The following RNF145 variants were observed in gnomAD, a reference collection of about 807,000 sequenced individuals.
The protein encoded by RNF145 is ring finger protein 145.
RNF145 carries 12 observed loss-of-function variants against 57.3 expected under a neutral mutation model. The ratio of observed to expected loss-of-function variants is 0.21; its 90% CI spans 0.13 to 0.34. RNF145 has a LOEUF of 0.34. Ranked by LOEUF, RNF145 falls within the 10% of genes least tolerant of loss-of-function variation. The pLI is 1.00. For missense variants in RNF145, 429 were observed against 799.0 expected (o/e 0.54, Z 5.58); for synonymous variants, 262 against 288.3 (o/e 0.91, Z 0.92).
intron 2 of RNF145, among the ~76,000 whole-genome samples, chr5:159,199,445 T>C (rs1218135970): frequency 6.6e-6 from 1 of 150,978 alleles, no homozygotes; most frequent in Non-Finnish European, 1.5e-5. Context: ...TCCATAAACA[T>C]AGAAAAGTCT....
At chr5:159,201,402 C>T (rs570048743) in intron 2 of RNF145, among the ~76,000 whole-genome samples, 4 of 152,266 alleles carry the variant, frequency 2.6e-5, no homozygotes, top group South Asian at 2.1e-4. Context: ...TTTAGCACAA[C>T]GCTGTACAAA....
intron 1 of RNF145, among the ~76,000 whole-genome samples, chr5:159,205,808 A>G (rs981993034): frequency 3.3e-5 from 5 of 152,316 alleles, no homozygotes; most frequent in Admixed American, 2.0e-4. Context: ...CTTGTAGCCC[A>G]TATTTATTTC....
At chr5:159,194,851 A>T (rs1319480523) in intron 2 of RNF145, 27 bp from the exon 3 acceptor site, 1 of 1,423,870 alleles carries the variant, frequency 7.0e-7, no homozygotes, top group Non-Finnish European at 9.7e-7. Flanking sequence ...AATAAAATAC[A>T]ATTTTAATTT....
At position 159,176,769 on chromosome 5, in the gene RNF145, G is replaced by C. The variant is rs1450655197; in HGVS notation, c.484C>G (p.Leu162Val). The change falls in exon 5 of 11, where the codon CTT (leucine) becomes GTT (valine). Residue 162 changes from leucine to valine, a missense_variant. Physicochemically the swap from Leu to Val is conservative, Grantham distance 32. Transcript: ENST00000424310. ...ATAACAATTGTCTCCAAAGGAACAAGGCAGAGTCGTGCTAGCAGAGGAAGC... is the reference window on the plus strand; with the variant it reads ...ATAACAATTGTCTCCAAAGGAACAACGCAGAGTCGTGCTAGCAGAGGAAGC... ...HMLPLLARLCLVPLETIVIIN... is the reference protein window; with the variant it reads ...HMLPLLARLCVVPLETIVIIN... 2 of 1,612,396 alleles carry C rather than the reference G, an allele frequency of 1.2e-6. No individual in the cohort carries two copies. The highest frequency in any genetic ancestry group is 1.3e-5 in the African/African-American group (1 of 74,828).
intron 4 of RNF145, among the ~76,000 whole-genome samples, chr5:159,177,954 C>T (rs1784769783): frequency 6.6e-6 from 1 of 151,994 alleles, no homozygotes; most frequent in Admixed American, 6.6e-5. Context: ...TGCTAGAATA[C>T]GTATCCTACT....
intron 3 of RNF145, among the ~76,000 whole-genome samples, chr5:159,188,393 C>G (rs1341358953): frequency 3.4e-5 from 4 of 118,592 alleles, no homozygotes; most frequent in Non-Finnish European, 7.2e-5. Flanking sequence ...GACTCTGTCT[C>G]AAAAAAAAAA....
intron 3 of RNF145, among the ~76,000 whole-genome samples, chr5:159,186,626 G>A (rs188215955): frequency 9.9e-5 from 15 of 152,112 alleles, no homozygotes; most frequent in Middle Eastern, 3.4e-3. Context: ...ACACATATAC[G>A]CACACAAACA....
chr5:159,162,214 G>A (rs568118835), intron 9 of RNF145, among the ~76,000 whole-genome samples: 12 of 152,040 alleles, frequency 7.9e-5, no homozygotes, highest in South Asian at 4.1e-4. Context: ...TATATACATC[G>A]TGGAACTATT....
At chr5:159,169,246 G>A in intron 7 of RNF145, among the ~76,000 whole-genome samples, 191 bp from the exon 8 acceptor site, 1 of 152,086 alleles carries the variant, frequency 6.6e-6, no homozygotes, top group East Asian at 1.9e-4. Flanking sequence ...ATCACTACAT[G>A]TGCAAAGGCA....
rs2113268322 is a variant in RNF145 at position 159,209,481 on chromosome 5, C to G, written c.-290G>C. On this transcript the variant is annotated 5_prime_UTR_variant, in exon 1 of 11. Transcript: ENST00000424310. ...CGGCAGCAGGCGCTCGCGGGCCGAG[C>G]CCCTTAGCAGCCGGCGCCGGCGTCG... 4 of 981,692 alleles carry G rather than the reference C, an allele frequency of 4.1e-6. No homozygotes were observed. The South Asian group carries it at 1.4e-4, about 33-fold the overall frequency. The allele number at this position is 981,692 out of a possible 1,614,324, so 60.8% of individuals were successfully genotyped here.
chr5:159,186,070 A>C (rs1785043493), intron 3 of RNF145, among the ~76,000 whole-genome samples: 1 of 152,158 alleles, frequency 6.6e-6, no homozygotes, highest in African/African-American at 2.4e-5. Flanking sequence ...CAAAACAAAA[A>C]ATACAACAAT....
intron 3 of RNF145, among the ~76,000 whole-genome samples, chr5:159,188,506 A>G (rs1785169418): frequency 1.3e-5 from 2 of 152,112 alleles, no homozygotes; most frequent in African/African-American, 4.8e-5. Context: ...GAATAGTAGT[A>G]TCAGTGTATG....
At chr5:159,194,086 C>T (rs1003534839) in intron 3 of RNF145, among the ~76,000 whole-genome samples, 19 of 152,134 alleles carry the variant, frequency 1.2e-4, no homozygotes, top group African/African-American at 4.1e-4. Context: ...GACAATATGG[C>T]TAAAGAGATA....
intron 3 of RNF145, among the ~76,000 whole-genome samples, chr5:159,188,980 C>G (rs1031664046): frequency 4.0e-5 from 6 of 151,838 alleles, no homozygotes; most frequent in Admixed American, 2.0e-4. Context: ...TTTTTAAGTA[C>G]GAAATTAATT....
rs1349835285 is a variant in RNF145 at position 159,209,472 on chromosome 5, C to A, written c.-281G>T. The A allele has an allele frequency of 1.0e-6, 1 of 978,558 alleles. No individual in the cohort carries two copies. The highest frequency in any genetic ancestry group is 1.2e-6 in the Non-Finnish European group (1 of 824,846). The allele number at this position is 978,558 out of a possible 1,614,324, so 60.6% of individuals were successfully genotyped here. A position where few individuals can be genotyped will look rare whatever the true frequency, so the allele number is the denominator to read the frequency against. On this transcript the variant is annotated 5_prime_UTR_variant, in exon 1 of 11. Coordinates refer to ENST00000424310, the MANE Select transcript of RNF145 (RefSeq NM_001199383.2). ...CATCGTCCGCGGCAGCAGGCGCTCG[C>A]GGGCCGAGCCCCTTAGCAGCCGGCG...
chr5:159,164,215 C>T (rs545053918), intron 8 of RNF145, among the ~76,000 whole-genome samples: 1 of 152,138 alleles, frequency 6.6e-6, no homozygotes, highest in South Asian at 2.1e-4. Context: ...AAGTGTTTTA[C>T]ATTTTTTCTT....
In RNF145 at chr5:159,203,480, G is replaced by C; in HGVS notation, c.138C>G (p.Asn46Lys). 6.2e-7 allele frequency: 1 copy of C among 1,614,076 alleles called. No homozygotes were observed. Among genetic ancestry groups the C allele is most frequent in the Non-Finnish European group, 8.5e-7 (1 of 1,179,966 alleles). Residue 46 changes from asparagine (N) to lysine (K), a missense_variant, in exon 2 of 11, where the codon AAC becomes AAG. This residue lies in a region of RNF145 where 109 missense variants were observed against 207.2 expected (regional missense o/e 0.53). Coordinates refer to ENST00000424310, the MANE Select transcript of RNF145 (RefSeq NM_001199383.2). ...QQIQRSSLSNNPLFQYKYLAL... is the reference protein window; with the variant it reads ...QQIQRSSLSNKPLFQYKYLAL... ...CCAAATACTTATACTGGAAAAGAGGGTTATTACTAAGGCTACTTCTTTGGA... is the reference window on the plus strand; with the variant it reads ...CCAAATACTTATACTGGAAAAGAGGCTTATTACTAAGGCTACTTCTTTGGA...
intron 3 of RNF145, among the ~76,000 whole-genome samples, chr5:159,184,303 G>A (rs1236588438): frequency 1.3e-5 from 2 of 152,134 alleles, no homozygotes; most frequent in African/African-American, 4.8e-5. Flanking sequence ...TTTCTTTAGA[G>A]TTTCTTACCT....
At chr5:159,170,892 T>TTA (rs1207950787) in intron 6 of RNF145, among the ~76,000 whole-genome samples, 1 of 152,318 alleles carries the variant, frequency 6.6e-6, no homozygotes, top group East Asian at 1.9e-4. Context: ...CTCCCAGCCC[T>TTA]TATATAGTAT....
Sources: allele counts gnomAD v4.1 joint callset (sites outside exome capture counted in the v4.1 genomes callset), GRCh38; gene constraint gnomAD v4.1.1; regional missense constraint gnomAD v4.1.1; transcripts MANE v1.5; gene names NCBI Gene and HGNC (gene_info 2026-07-23, HGNC 2026-07-21).